CWC27: variants seen among roughly 807,000 people sequenced by gnomAD.
CWC27 encodes the protein CWC27 spliceosome associated cyclophilin, also known as spliceosome-associated protein CWC27 homolog.
Under a neutral mutation model 63.6 loss-of-function variants are expected in CWC27, and 47 were observed. The observed-to-expected ratio is 0.74, with a 90% confidence interval of 0.58 to 0.94. The LOEUF (loss-of-function observed/expected upper bound fraction) is 0.94, where lower values mean the gene tolerates loss of function less well. Among genes scored for constraint, CWC27 ranks in the 40% least tolerant of loss-of-function variants. CWC27 has a pLI of 0.00. For missense variants in CWC27, 495 were observed against 554.3 expected, an observed-to-expected ratio of 0.89 and a Z score of 1.07; for synonymous variants, 175 against 179.8, an observed-to-expected ratio of 0.97 and a Z score of 0.22.
In CWC27 at chr5:65,004,905, T is replaced by TAC. The variant is rs1317560192; in HGVS notation, c.1257-13252_1257-13251dup. On this transcript the variant is annotated intron_variant, in intron 13 of 13. Transcript: ENST00000381070. ...ATATATATATATATATATATATATA[T>TAC]ACATACACACACACACACACACACA... Among the ~76,000 whole-genome samples the TAC allele has an allele frequency of 7.0e-3, 445 of 63,422 alleles. 4 individuals carry two copies. Among genetic ancestry groups the TAC allele is most frequent in the African/African-American group, 0.02 (350 of 17,104 alleles). The allele number at this position is 63,422 out of a possible 152,430, so 41.6% of individuals were successfully genotyped here. A position where few individuals can be genotyped will look rare whatever the true frequency, so the allele number is the denominator to read the frequency against.
At chr5:65,007,969 G>A (rs770287845) in intron 13 of CWC27, among the ~76,000 whole-genome samples, 2 of 152,142 alleles carry the variant, frequency 1.3e-5, no homozygotes, top group African/African-American at 4.8e-5. Flanking sequence ...TTGGATTGCT[G>A]TCCCACCCTT....
chr5:64,841,354 T>G (rs1745830254), intron 10 of CWC27, among the ~76,000 whole-genome samples: 1 of 152,224 alleles, frequency 6.6e-6, no homozygotes, highest in South Asian at 2.1e-4. Context: ...GAGGGCAGAT[T>G]GCTCATGGCC....
intron 11 of CWC27, among the ~76,000 whole-genome samples, chr5:64,895,963 C>T (rs866208456): frequency 1.3e-5 from 2 of 151,926 alleles, no homozygotes; most frequent in African/African-American, 4.8e-5. Flanking sequence ...CAAATAGAGG[C>T]AATATTTAGA....
intron 11 of CWC27, among the ~76,000 whole-genome samples, chr5:64,941,247 G>C (rs1053686389): frequency 2.0e-5 from 3 of 152,140 alleles, no homozygotes; most frequent in African/African-American, 7.2e-5. Context: ...ATCATATTTA[G>C]AAAATCAAGA....
chr5:64,941,930 A>G (rs1025004229), intron 11 of CWC27, among the ~76,000 whole-genome samples: 1 of 151,970 alleles, frequency 6.6e-6, no homozygotes, highest in Non-Finnish European at 1.5e-5. Flanking sequence ...TAAATTTATT[A>G]TATTAAATAA....
At chr5:64,775,248 A>G (rs1743399681) in intron 2 of CWC27, among the ~76,000 whole-genome samples, 1 of 152,188 alleles carries the variant, frequency 6.6e-6, no homozygotes, top group South Asian at 2.1e-4. Flanking sequence ...TGTTAGCTAT[A>G]ACAAAACCAG....
At chr5:64,886,999 T>C in intron 11 of CWC27, among the ~76,000 whole-genome samples, 1 of 152,224 alleles carries the variant, frequency 6.6e-6, no homozygotes, top group East Asian at 1.9e-4. Context: ...ATTTTAAATA[T>C]ATGAAAATAA....
intron 11 of CWC27, among the ~76,000 whole-genome samples, chr5:64,901,290 T>C (rs1358356234): frequency 6.6e-6 from 1 of 151,840 alleles, no homozygotes; most frequent in African/African-American, 2.4e-5. Context: ...TGAAACCCCG[T>C]CTCTACTAAA....
chr5:64,902,851 G>C (rs1420196059), intron 11 of CWC27, among the ~76,000 whole-genome samples: 1 of 152,194 alleles, frequency 6.6e-6, no homozygotes, highest in Non-Finnish European at 1.5e-5. Flanking sequence ...ACCCATGAGT[G>C]TGTTACATCT....
At chr5:65,003,420 T>G (rs937191776) in intron 13 of CWC27, among the ~76,000 whole-genome samples, 3 of 152,214 alleles carry the variant, frequency 2.0e-5, no homozygotes, top group African/African-American at 7.2e-5. Flanking sequence ...TATTTTTTGT[T>G]GCAGTTTTAT....
chr5:64,984,410 T>C lies in CWC27; in HGVS notation c.1256+7172T>C, dbSNP rs1306281091. 3.9e-5 allele frequency among the ~76,000 whole-genome samples: 6 copies of C among 152,314 alleles called. No homozygotes were observed. The South Asian group carries it at 1.2e-3, about 32-fold the overall frequency. ...AGATCTGTCCCATGGAAAACAATGG[T>C]TGGCTATGTACCATACTGTTACCAC... On this transcript the variant is annotated intron_variant, in intron 13 of 13. Coordinates refer to ENST00000381070, the MANE Select transcript of CWC27 (RefSeq NM_005869.4).
At chr5:64,987,018 T>C (rs1297043348) in intron 13 of CWC27, among the ~76,000 whole-genome samples, 1 of 152,136 alleles carries the variant, frequency 6.6e-6, no homozygotes, top group Non-Finnish European at 1.5e-5. Flanking sequence ...GTGCCCTCCC[T>C]TTTTTATTCT....
At chr5:64,773,512 A>T (rs1338411001) in intron 1 of CWC27, among the ~76,000 whole-genome samples, 1 of 146,708 alleles carries the variant, frequency 6.8e-6, no homozygotes, top group Non-Finnish European at 1.5e-5. Context: ...GGGTGGTGAA[A>T]TGTGACTTAG....
At chr5:64,869,817 T>C (rs1746620834) in intron 10 of CWC27, among the ~76,000 whole-genome samples, 2 of 152,056 alleles carry the variant, frequency 1.3e-5, no homozygotes, top group South Asian at 4.1e-4. Flanking sequence ...GTTTTATGTG[T>C]CTAGATGGCT....
intron 1 of CWC27, 150 bp downstream of exon 1, chr5:64,769,338 C>A: frequency 1.4e-6 from 1 of 700,840 alleles, no homozygotes. Flanking sequence ...AATGTTGCAT[C>A]GAAACACTGA....
intron 10 of CWC27, among the ~76,000 whole-genome samples, chr5:64,884,565 T>C (rs142905451): frequency 6.6e-6 from 1 of 152,280 alleles, no homozygotes; most frequent in African/African-American, 2.4e-5. Context: ...GATAAACATT[T>C]TCAGAGTGGA....
intron 12 of CWC27, chr5:64,972,722 C>T (rs752110632): frequency 4.4e-6 from 2 of 450,578 alleles, no homozygotes; most frequent in South Asian, 3.1e-5. Context: ...GACTATACTA[C>T]CAGAGATACT....
chr5:64,919,602 G>A (rs999257218), intron 11 of CWC27, among the ~76,000 whole-genome samples: 24 of 152,182 alleles, frequency 1.6e-4, no homozygotes, highest in African/African-American at 5.5e-4. Context: ...GTGGGAACAT[G>A]CAGTATATGG....
chr5:64,794,959 TG>T (rs1744213965), intron 7 of CWC27, among the ~76,000 whole-genome samples: 1 of 152,198 alleles, frequency 6.6e-6, no homozygotes, highest in African/African-American at 2.4e-5. Context: ...GTGATCAAAT[TG>T]TGCCACATTC....
Sources: allele counts gnomAD v4.1 joint callset (sites outside exome capture counted in the v4.1 genomes callset), GRCh38; gene constraint gnomAD v4.1.1; transcripts MANE v1.5; gene names NCBI Gene and HGNC (gene_info 2026-07-23, HGNC 2026-07-21).